SPRY3: variants seen among roughly 807,000 people sequenced by gnomAD.
The protein encoded by SPRY3 is protein sprouty homolog 3.
SPRY3 carries 15 observed loss-of-function variants against 20.2 expected under a neutral mutation model. That is an observed-to-expected ratio of 0.74 (90% CI 0.50 to 1.14). The LOEUF is 1.14. Ranked by LOEUF, SPRY3 falls within the 50% of genes most tolerant of loss-of-function variation. SPRY3 has a pLI of 0.00. For synonymous variants in SPRY3, 143 were observed against 136.5 expected, an observed-to-expected ratio of 1.05 and a Z score of -0.33; for missense variants, 364 against 363.9, an observed-to-expected ratio of 1.00 and a Z score of 0.00.
intron 2 of SPRY3, among the ~76,000 whole-genome samples, chrX:155,734,637 GAA>G (rs932333824): frequency 1.4e-5 from 2 of 147,818 alleles, no homozygotes; most frequent in African/African-American, 2.5e-5. Context: ...TCTTCAATTT[GAA>G]AAAAAAACAC....
intron 2 of SPRY3, among the ~76,000 whole-genome samples, chrX:155,767,653 C>CAGG (rs967375704): frequency 8.3e-5 from 10 of 120,586 alleles, no homozygotes; most frequent in Non-Finnish European, 3.5e-5. Flanking sequence ...GGAAGAGAAA[C>CAGG]AGGAGGAGGA....
intron 2 of SPRY3, among the ~76,000 whole-genome samples, chrX:155,743,656 A>G (rs1048684521): frequency 5.3e-5 from 8 of 152,136 alleles, no homozygotes; most frequent in African/African-American, 1.9e-4. Flanking sequence ...GCAATTCAGT[A>G]TATTTTGGGG....
chrX:155,760,587 G>A (rs1177973194), intron 2 of SPRY3, among the ~76,000 whole-genome samples: 6 of 152,094 alleles, frequency 3.9e-5, no homozygotes, highest in Admixed American at 6.5e-5. Flanking sequence ...ACCAGGGACC[G>A]GTTTTGTGGA....
chrX:155,771,625 C>G (rs2091382398), intron 3 of SPRY3, among the ~76,000 whole-genome samples: 2 of 152,112 alleles, frequency 1.3e-5, no homozygotes, highest in Non-Finnish European at 2.9e-5. Context: ...TCCTCCCAGT[C>G]CCAAGTTCCT....
intron 2 of SPRY3, among the ~76,000 whole-genome samples, chrX:155,726,285 T>C (rs753574290): frequency 4.3e-3 from 648 of 152,298 alleles, no homozygotes; most frequent in Non-Finnish European, 7.2e-3. Flanking sequence ...CTGAGAAGAA[T>C]GTATATTCTG....
chrX:155,774,338 T>A, exon 4 of SPRY3: 1 of 1,613,982 alleles, frequency 6.2e-7, no homozygotes, highest in Non-Finnish European at 8.5e-7. Flanking sequence ...TGCAAGTGCG[T>A]CCCCTGCACA....
chrX:155,770,822 C>T (rs1014119051), intron 3 of SPRY3, among the ~76,000 whole-genome samples: 3 of 152,140 alleles, frequency 2.0e-5, no homozygotes, highest in African/African-American at 7.2e-5. Context: ...CCTTTCTCAA[C>T]ATATTTTTCC....
At chrX:155,722,660 G>A (rs1338216656) in intron 2 of SPRY3, among the ~76,000 whole-genome samples, 1 of 151,950 alleles carries the variant, frequency 6.6e-6, no homozygotes, top group Non-Finnish European at 1.5e-5. Flanking sequence ...AATGACAGGA[G>A]TAAGTCCTTA....
intron 1 of SPRY3, among the ~76,000 whole-genome samples, chrX:155,636,846 A>C (rs1181463164): frequency 1.8e-5 from 2 of 109,756 alleles, no homozygotes; most frequent in Non-Finnish European, 3.8e-5. Context: ...TTTTGTGTGA[A>C]GGATAGTGAC....
intron 2 of SPRY3, among the ~76,000 whole-genome samples, chrX:155,671,577 T>C (rs1198730691): frequency 9.0e-6 from 1 of 111,153 alleles, no homozygotes; most frequent in Non-Finnish European, 1.9e-5. Flanking sequence ...TGTATGTATA[T>C]ATGTATGTAT....
chrX:155,733,856 C>A (rs2091150853), intron 2 of SPRY3, among the ~76,000 whole-genome samples: 1 of 152,114 alleles, frequency 6.6e-6, no homozygotes, highest in Non-Finnish European at 1.5e-5. Context: ...ATGGAAATGG[C>A]TTCTTTCCTT....
intron 2 of SPRY3, among the ~76,000 whole-genome samples, chrX:155,765,098 T>C (rs1162789092): frequency 1.3e-5 from 2 of 152,076 alleles, no homozygotes; most frequent in South Asian, 4.1e-4. Flanking sequence ...TTTAGTCACC[T>C]CCCAAAGGCC....
chrX:155,748,647 G>T (rs2091241587), intron 2 of SPRY3, among the ~76,000 whole-genome samples: 1 of 151,748 alleles, frequency 6.6e-6, no homozygotes, highest in Admixed American at 6.6e-5. Flanking sequence ...GACACTGAAG[G>T]CTATCATATT....
chrX:155,748,852 A>G (rs1028393352), intron 2 of SPRY3, among the ~76,000 whole-genome samples: 8 of 151,912 alleles, frequency 5.3e-5, no homozygotes, highest in African/African-American at 1.9e-4. Context: ...ACATGTACAG[A>G]AAATATGAAT....
At chrX:155,781,269 G>C (rs1478831267), downstream of SPRY3, 2 of 166,964 alleles carry the variant, frequency 1.2e-5, no homozygotes, top group Non-Finnish European at 2.9e-5. Context: ...CTCCTTCAGA[G>C]AGAAATACCA....
At position 155,716,083 on chromosome X, in the gene SPRY3, T is replaced by C. The variant is rs1004657918; in HGVS notation, c.-281-51879T>C. On this transcript the variant is annotated intron_variant, in intron 2 of 3. Coordinates refer to ENST00000675360, the Ensembl canonical transcript of SPRY3. ...GTGATGGTGCTTTTCTGTGTGAAGATAATTGTTAAAATTTGGTGTTCCAGC... is the reference window on the plus strand; with the variant it reads ...GTGATGGTGCTTTTCTGTGTGAAGACAATTGTTAAAATTTGGTGTTCCAGC... Among the ~76,000 whole-genome samples the C allele has an allele frequency of 9.2e-5, 14 of 152,184 alleles. 1 individual carries two copies. Among genetic ancestry groups the C allele is most frequent in the South Asian group, 2.1e-4 (1 of 4,816 alleles).
intron 3 of SPRY3, among the ~76,000 whole-genome samples, chrX:155,771,952 A>G (rs2091384184): frequency 6.6e-6 from 1 of 152,194 alleles, no homozygotes; most frequent in African/African-American, 2.4e-5. Flanking sequence ...ATAATGGCTC[A>G]AGGTCCTTCA....
At chrX:155,632,478 A>T (rs955674168) in intron 1 of SPRY3, among the ~76,000 whole-genome samples, 1 of 111,378 alleles carries the variant, frequency 9.0e-6, no homozygotes, top group Non-Finnish European at 1.9e-5. Context: ...GACAAGACTC[A>T]CTCATGCTTG....
At chrX:155,700,259 T>C (rs2068132305) in intron 2 of SPRY3, among the ~76,000 whole-genome samples, 1 of 103,015 alleles carries the variant, frequency 9.7e-6, no homozygotes, top group Non-Finnish European at 2.0e-5. Context: ...TCACACTTAC[T>C]ATGATGACTA....
Sources: allele counts gnomAD v4.1 joint callset (sites outside exome capture counted in the v4.1 genomes callset), GRCh38; gene constraint gnomAD v4.1.1; transcripts MANE v1.5; gene names NCBI Gene and HGNC (gene_info 2026-07-23, HGNC 2026-07-21).